Variants in RBFOX1 observed in about 807,000 individuals in gnomAD.
RBFOX1 encodes the protein RNA binding fox-1 homolog 1.
In RBFOX1, 8 loss-of-function variants were observed where a neutral mutation model predicts 57.7. The observed-to-expected ratio is 0.14, with a 90% confidence interval of 0.08 to 0.25. The LOEUF is 0.25. Among genes scored for constraint, RBFOX1 ranks in the 10% least tolerant of loss-of-function variants. The pLI, the probability that RBFOX1 is intolerant of heterozygous loss-of-function variation, is 1.00. For synonymous variants in RBFOX1, 326 were observed against 222.4 expected, an observed-to-expected ratio of 1.47 and a Z score of -4.15; for missense variants, 611 against 548.5, an observed-to-expected ratio of 1.11 and a Z score of -1.14.
intron 3 of RBFOX1, among the ~76,000 whole-genome samples, chr16:5,861,255 G>C (rs77603152): frequency 0.054 from 8,212 of 152,288 alleles, 282 homozygotes; most frequent in Admixed American, 0.094. Context: ...TCTCCCCTTT[G>C]ATACACGGTT....
At chr16:6,695,993 T>C (rs1313888650) in intron 3 of RBFOX1, among the ~76,000 whole-genome samples, 1 of 152,200 alleles carries the variant, frequency 6.6e-6, no homozygotes, top group African/African-American at 2.4e-5. Context: ...ATACACACAC[T>C]GATCTGATTT....
intron 3 of RBFOX1, among the ~76,000 whole-genome samples, chr16:6,723,043 C>G (rs1394651652): frequency 1.3e-5 from 2 of 152,126 alleles, no homozygotes; most frequent in Non-Finnish European, 1.5e-5. Context: ...GATCTGAGAG[C>G]TACCCAGGCT....
intron 1 of RBFOX1, among the ~76,000 whole-genome samples, chr16:6,168,644 C>G (rs2096935366): frequency 6.6e-6 from 1 of 152,144 alleles, no homozygotes; most frequent in Non-Finnish European, 1.5e-5. Context: ...TTAGAACTTT[C>G]TGATACCTGC....
rs562853389 is a variant in RBFOX1 at position 5,534,639 on chromosome 16, C to G, written c.259-64263C>G. ...TCTTCCACCTGCTTTTTTTAGCATG[C>G]TGGCATCCGATTAGATGGTGCCCAC... On this transcript the variant is annotated intron_variant, in intron 2 of 2. Coordinates refer to the RBFOX1 transcript ENST00000585867. Among the ~76,000 whole-genome samples the G allele has an allele frequency of 2.0e-5, 3 of 152,276 alleles. No individual in the cohort carries two copies. In the South Asian group the frequency reaches 6.2e-4, roughly 32 times the overall value.
At chr16:5,620,709 C>T (rs1359438275) in intron 3 of RBFOX1, among the ~76,000 whole-genome samples, 1 of 152,170 alleles carries the variant, frequency 6.6e-6, no homozygotes, top group Non-Finnish European at 1.5e-5. Context: ...GATAGGGTCT[C>T]ACTCTGTCTC....
At chr16:5,393,099 G>T (rs1184698510) in intron 1 of RBFOX1, among the ~76,000 whole-genome samples, 1 of 152,064 alleles carries the variant, frequency 6.6e-6, no homozygotes, top group Non-Finnish European at 1.5e-5. Flanking sequence ...TGTGGCTCAG[G>T]GCCTCAGCAG....
chr16:7,341,003 G>C (rs1163955927), intron 4 of RBFOX1, among the ~76,000 whole-genome samples: 1 of 152,184 alleles, frequency 6.6e-6, no homozygotes, highest in Non-Finnish European at 1.5e-5. Flanking sequence ...TGCTGCTTTG[G>C]TGTTCGGCAA....
intron 3 of RBFOX1, among the ~76,000 whole-genome samples, chr16:6,945,893 C>G (rs1456911598): frequency 1.3e-5 from 2 of 152,140 alleles, no homozygotes; most frequent in South Asian, 2.1e-4. Context: ...TCTCGTCCCC[C>G]ACAAAAAAGG....
intron 2 of RBFOX1, among the ~76,000 whole-genome samples, chr16:6,515,120 A>C (rs946591416): frequency 6.6e-6 from 1 of 152,214 alleles, no homozygotes; most frequent in Non-Finnish European, 1.5e-5. Context: ...TGTATATTAC[A>C]GGTTTACTTA....
intron 1 of RBFOX1, among the ~76,000 whole-genome samples, chr16:5,382,600 G>A (rs1340519820): frequency 6.6e-6 from 1 of 152,130 alleles, no homozygotes; most frequent in Non-Finnish European, 1.5e-5. Context: ...ACTAATTTAA[G>A]GTTCTAGTAG....
intron 4 of RBFOX1, among the ~76,000 whole-genome samples, chr16:5,923,604 C>T (rs978271159): frequency 2.1e-5 from 3 of 139,674 alleles, no homozygotes; most frequent in Admixed American, 8.0e-5. Context: ...TGCAGTGGTG[C>T]GATCTTGGCT....
intron 3 of RBFOX1, among the ~76,000 whole-genome samples, chr16:5,771,876 T>C (rs777033672): frequency 5.0e-4 from 76 of 151,682 alleles, no homozygotes; most frequent in Non-Finnish European, 9.1e-4. Flanking sequence ...TGGTACCTTT[T>C]AAAAAGGCTA....
intron 2 of RBFOX1, among the ~76,000 whole-genome samples, chr16:6,618,075 G>A (rs549972619): frequency 6.6e-6 from 1 of 152,218 alleles, no homozygotes; most frequent in African/African-American, 2.4e-5. Flanking sequence ...GTTTGTTTCT[G>A]CTGCTCTAGG....
chr16:6,313,669 C>G (rs2080681709), intron 1 of RBFOX1, among the ~76,000 whole-genome samples: 1 of 152,096 alleles, frequency 6.6e-6, no homozygotes, highest in African/African-American at 2.4e-5. Flanking sequence ...GTTCCAATGT[C>G]CTCCGAGTTT....
In RBFOX1 at chr16:7,343,838, C is replaced by A. The variant is rs551872712; in HGVS notation, c.28-174309C>A. Among the ~76,000 whole-genome samples, 41 of 152,252 alleles carry A rather than the reference C, an allele frequency of 2.7e-4. 3 individuals are homozygous for A. In the South Asian group the frequency reaches 8.5e-3, roughly 32 times the overall value. Reference sequence around the variant, plus strand: ...CTTGGCACAGTTTTTCCCTTCTGGGCAGTAGTCACCCTCTTTGAGTGGTTG... The same window carrying A: ...CTTGGCACAGTTTTTCCCTTCTGGGAAGTAGTCACCCTCTTTGAGTGGTTG... On this transcript the variant is annotated intron_variant, in intron 4 of 15. Coordinates refer to ENST00000550418, the MANE Select transcript of RBFOX1 (RefSeq NM_018723.4).
In RBFOX1 at chr16:6,103,016, C is replaced by G. The variant is rs558106319; in HGVS notation, c.-127+83024C>G. Among the ~76,000 whole-genome samples the G allele has an allele frequency of 2.7e-3, 416 of 152,268 alleles. 3 individuals are homozygous for G. The highest frequency in any genetic ancestry group is 3.6e-3 in the Non-Finnish European group (247 of 68,020). On this transcript the variant is annotated intron_variant, in intron 1 of 15. Coordinates refer to ENST00000550418, the MANE Select transcript of RBFOX1 (RefSeq NM_018723.4). ...CAAGACTTTCATAATTGTGAGCAAC[C>G]ACAGTGTCTTCCCCTCTTTTGGACA...
intron 2 of RBFOX1, among the ~76,000 whole-genome samples, chr16:5,480,545 A>G (rs2069500465): frequency 6.6e-6 from 1 of 152,172 alleles, no homozygotes; most frequent in South Asian, 2.1e-4. Flanking sequence ...AAAGATGCAC[A>G]ATGCCCTGTT....
At chr16:6,047,431 C>A (rs966151921) in intron 1 of RBFOX1, among the ~76,000 whole-genome samples, 3 of 152,146 alleles carry the variant, frequency 2.0e-5, no homozygotes, top group African/African-American at 7.2e-5. Context: ...AAAGCTCATC[C>A]CTTTGAATTG....
intron 4 of RBFOX1, among the ~76,000 whole-genome samples, chr16:5,995,543 G>C (rs543748256): frequency 8.5e-5 from 13 of 152,284 alleles, no homozygotes; most frequent in African/African-American, 3.1e-4. Context: ...AATGTGAGAG[G>C]GGACAAAGAA....
Sources: gnomAD v4.1 joint callset for allele counts (sites outside exome capture counted in the v4.1 genomes callset) on GRCh38, gnomAD v4.1.1 for gene constraint, MANE v1.5 for transcripts, NCBI Gene and HGNC (gene_info 2026-07-23, HGNC 2026-07-21) for gene names.